The following ABTB3 variants were observed in gnomAD, a reference collection of about 807,000 sequenced individuals.
The protein encoded by ABTB3 is ankyrin repeat- and BTB/POZ domain-containing protein 3.
the ABTB3 span, among the ~76,000 whole-genome samples, chr12:107,535,806 A>G: frequency 6.6e-6 from 1 of 152,212 alleles, no homozygotes; most frequent in East Asian, 1.9e-4. Flanking sequence ...TGGAATAATT[A>G]ATATTGGAAA....
the ABTB3 span, among the ~76,000 whole-genome samples, chr12:107,577,314 T>G: frequency 6.6e-6 from 1 of 152,218 alleles, no homozygotes; most frequent in Non-Finnish European, 1.5e-5. Flanking sequence ...AAAACGTTGA[T>G]GGGCCAGAGG....
At chr12:107,348,943 C>T in the ABTB3 span, among the ~76,000 whole-genome samples, 7 of 152,174 alleles carry the variant, frequency 4.6e-5, no homozygotes, top group Non-Finnish European at 8.8e-5. Flanking sequence ...GCAAAGGGAA[C>T]AGCTTGTGAG....
At chr12:107,594,273 T>G in the ABTB3 span, among the ~76,000 whole-genome samples, 25 of 152,330 alleles carry the variant, frequency 1.6e-4, no homozygotes, top group Non-Finnish European at 2.8e-4. Flanking sequence ...CGCCCTTGCT[T>G]TTGAAATAAA....
the ABTB3 span, chr12:107,520,732 C>CTAT: frequency 6.7e-7 from 1 of 1,491,682 alleles, no homozygotes; most frequent in Non-Finnish European, 9.1e-7. Context: ...CCTCAGGGCA[C>CTAT]TATTTTGTAA....
chr12:107,569,284 A>G, the ABTB3 span, among the ~76,000 whole-genome samples: 3 of 152,116 alleles, frequency 2.0e-5, no homozygotes, highest in South Asian at 6.2e-4. Context: ...TTTAGAATTG[A>G]TCTGTTAATT....
chr12:107,474,657 A>G, the ABTB3 span, among the ~76,000 whole-genome samples: 2 of 152,220 alleles, frequency 1.3e-5, no homozygotes, highest in Non-Finnish European at 2.9e-5. Flanking sequence ...TGCCCCTGGA[A>G]GGACAGGTAG....
chr12:107,399,838 G>A, the ABTB3 span, among the ~76,000 whole-genome samples: 1 of 151,854 alleles, frequency 6.6e-6, no homozygotes, highest in East Asian at 1.9e-4. Flanking sequence ...CCCTCCCCTT[G>A]CCCCCGACAG....
the ABTB3 span, among the ~76,000 whole-genome samples, chr12:107,386,998 A>G: frequency 6.9e-5 from 10 of 144,788 alleles, no homozygotes; most frequent in African/African-American, 2.6e-4. Flanking sequence ...TTTTTTTGAG[A>G]CAGAGTTTCG....
chr12:107,441,778 A>AAAG, the ABTB3 span, among the ~76,000 whole-genome samples: 1 of 150,244 alleles, frequency 6.7e-6, no homozygotes, highest in African/African-American at 2.5e-5. Flanking sequence ...TCTCTACAAA[A>AAAG]AAAAAAAAAA....
At chr12:107,453,374 G>A in the ABTB3 span, among the ~76,000 whole-genome samples, 1 of 152,172 alleles carries the variant, frequency 6.6e-6, no homozygotes, top group Non-Finnish European at 1.5e-5. Flanking sequence ...GGGCCTTTGG[G>A]GGTGATGAGG....
the ABTB3 span, among the ~76,000 whole-genome samples, chr12:107,630,592 C>T: frequency 2.0e-5 from 3 of 151,396 alleles, no homozygotes; most frequent in African/African-American, 4.9e-5. Flanking sequence ...CATAGTCATA[C>T]ACCACCATGC....
At chr12:107,345,840 G>T in the ABTB3 span, among the ~76,000 whole-genome samples, 1 of 152,220 alleles carries the variant, frequency 6.6e-6, no homozygotes, top group Non-Finnish European at 1.5e-5. Context: ...AGAAGGAAAT[G>T]AATGACGAGC....
At chr12:107,413,205 C>A in the ABTB3 span, among the ~76,000 whole-genome samples, 5 of 152,058 alleles carry the variant, frequency 3.3e-5, no homozygotes, top group Non-Finnish European at 7.4e-5. Context: ...ACCCGGGAGG[C>A]GGAGCTTGCA....
chr12:107,502,205 C>A, the ABTB3 span, among the ~76,000 whole-genome samples: 1 of 152,048 alleles, frequency 6.6e-6, no homozygotes, highest in African/African-American at 2.4e-5. Flanking sequence ...GCTGGGATTA[C>A]AGGTGCATGC....
chr12:107,360,045 G>A, the ABTB3 span, among the ~76,000 whole-genome samples: 1 of 152,028 alleles, frequency 6.6e-6, no homozygotes, highest in Non-Finnish European at 1.5e-5. Context: ...CCCAACTTAT[G>A]CTGAGTTATA....
chr12:107,576,713 A>G, the ABTB3 span, among the ~76,000 whole-genome samples: 1 of 152,158 alleles, frequency 6.6e-6, no homozygotes, highest in East Asian at 1.9e-4. Context: ...ATGTGAGATG[A>G]ATTCCTGAGC....
the ABTB3 span, chr12:107,520,681 C>T: frequency 1.9e-6 from 3 of 1,603,478 alleles, no homozygotes; most frequent in Non-Finnish European, 2.6e-6. Flanking sequence ...CAAGACATAT[C>T]CTGTCTGTGC....
the ABTB3 span, among the ~76,000 whole-genome samples, chr12:107,326,477 G>A: frequency 3.9e-5 from 6 of 152,220 alleles, no homozygotes; most frequent in Non-Finnish European, 8.8e-5. Flanking sequence ...GCTAAGCCTG[G>A]AGGGACTTAA....
chr12:107,376,457 A>G, the ABTB3 span, among the ~76,000 whole-genome samples: 1 of 152,162 alleles, frequency 6.6e-6, no homozygotes, highest in African/African-American at 2.4e-5. Context: ...CAAGTTCCTT[A>G]ACTGAACAAT....
Sources: gnomAD v4.1 joint callset for allele counts (sites outside exome capture counted in the v4.1 genomes callset) on GRCh38, gnomAD v4.1.1 for gene constraint, MANE v1.5 for transcripts, NCBI Gene and HGNC (gene_info 2026-07-23, HGNC 2026-07-21) for gene names.